AGBL4: variants seen among roughly 807,000 people sequenced by gnomAD.
AGBL4 encodes the protein cytosolic carboxypeptidase 6.
A neutral mutation model predicts 66.4 loss-of-function variants in AGBL4; 58 were observed. That is an observed-to-expected ratio of 0.87 (90% confidence interval 0.71 to 1.09). The LOEUF is 1.09. Ranked by LOEUF, AGBL4 falls within the 50% of genes least tolerant of loss-of-function variation. The pLI, the probability that AGBL4 is intolerant of heterozygous loss-of-function variation, is 0.00. For missense variants in AGBL4, 579 were observed against 631.0 expected (o/e 0.92, Z 0.88); for synonymous variants, 234 against 222.9 (o/e 1.05, Z -0.44).
chr1:48,532,001 C>T (rs1643909295), downstream of AGBL4, among the ~76,000 whole-genome samples: 1 of 152,140 alleles, frequency 6.6e-6, no homozygotes, highest in Admixed American at 6.5e-5. Flanking sequence ...CCAGGCTGGT[C>T]TCGAACTCCT....
chr1:49,647,705 G>A (rs935505746), intron 3 of AGBL4, among the ~76,000 whole-genome samples: 3 of 151,968 alleles, frequency 2.0e-5, no homozygotes, highest in African/African-American at 7.2e-5. Flanking sequence ...TGTAATCAGA[G>A]CCTAACCTAC....
chr1:49,413,295 T>G (rs2148630042), intron 3 of AGBL4, among the ~76,000 whole-genome samples: 1 of 152,324 alleles, frequency 6.6e-6, no homozygotes, highest in East Asian at 1.9e-4. Context: ...AAATTCCAGG[T>G]TCTGGGAATA....
chr1:49,971,907 G>GTTGTTTGTTTTTT (rs1553155278), intron 1 of AGBL4, among the ~76,000 whole-genome samples: 1 of 23,428 alleles, frequency 4.3e-5, no homozygotes, highest in Non-Finnish European at 7.9e-5. Flanking sequence ...GTTTTTTTGG[G>GTTGTTTGTTTTTT]TTTTTTTTTT....
At chr1:49,358,142 G>C (rs1644058969) in intron 3 of AGBL4, among the ~76,000 whole-genome samples, 1 of 152,138 alleles carries the variant, frequency 6.6e-6, no homozygotes, top group Non-Finnish European at 1.5e-5. Flanking sequence ...TGGTGCCTGA[G>C]TATGAGGGCT....
At chr1:49,742,722 G>C (rs1341579195) in intron 2 of AGBL4, among the ~76,000 whole-genome samples, 2 of 152,166 alleles carry the variant, frequency 1.3e-5, no homozygotes, top group South Asian at 2.1e-4. Flanking sequence ...CAATGGAACA[G>C]AACAGAGCCC....
intron 1 of AGBL4, among the ~76,000 whole-genome samples, chr1:49,997,473 T>C (rs1261795825): frequency 6.6e-6 from 1 of 152,154 alleles, no homozygotes; most frequent in Non-Finnish European, 1.5e-5. Context: ...GGACATTATA[T>C]AACAATGAAA....
intron 1 of AGBL4, among the ~76,000 whole-genome samples, chr1:49,888,548 A>G (rs1369903982): frequency 6.6e-6 from 1 of 152,240 alleles, no homozygotes; most frequent in Non-Finnish European, 1.5e-5. Context: ...TAATTAATAA[A>G]TAAGAGTTAA....
intron 3 of AGBL4, among the ~76,000 whole-genome samples, chr1:49,398,333 TTCTCTCTCTC>T (rs36025670): frequency 0.42 from 60,105 of 143,626 alleles, 15,180 homozygotes; most frequent in Non-Finnish European, 0.58. Context: ...CTCTCTCTCT[TTCTCTCTCTC>T]TCTCTCTCTC....
intron 2 of AGBL4, among the ~76,000 whole-genome samples, chr1:49,730,425 C>T (rs1649348830): frequency 6.6e-6 from 1 of 152,174 alleles, no homozygotes; most frequent in Non-Finnish European, 1.5e-5. Context: ...GGGGCCCAGA[C>T]CTCGGGACTC....
chr1:48,610,779 C>T (rs2148379890), intron 9 of AGBL4, among the ~76,000 whole-genome samples: 1 of 152,298 alleles, frequency 6.6e-6, no homozygotes. Flanking sequence ...TTTCCTCCTG[C>T]ACTCTCCCTC....
chr1:49,301,416 TTAGTC>T (rs1318103512), intron 3 of AGBL4, among the ~76,000 whole-genome samples: 1 of 152,192 alleles, frequency 6.6e-6, no homozygotes, highest in Non-Finnish European at 1.5e-5. Context: ...TGGGAAGAAT[TTAGTC>T]TATAGTTTAA....
At chr1:49,142,767 A>G (rs1646143608) in intron 4 of AGBL4, among the ~76,000 whole-genome samples, 1 of 152,162 alleles carries the variant, frequency 6.6e-6, no homozygotes, top group South Asian at 2.1e-4. Flanking sequence ...TAAATTAATA[A>G]TAAAAAGGCA....
intron 8 of AGBL4, among the ~76,000 whole-genome samples, chr1:48,652,415 A>T (rs1166854154): frequency 3.3e-5 from 5 of 152,168 alleles, no homozygotes; most frequent in African/African-American, 1.2e-4. Context: ...AGCAGGAACC[A>T]ATAGGACATG....
intron 3 of AGBL4, chr1:49,691,414 T>A (rs1646883994): frequency 6.4e-6 from 1 of 157,012 alleles, no homozygotes; most frequent in East Asian, 1.9e-4. Flanking sequence ...TGTGCAGACA[T>A]GTTCTTGGGG....
chr1:48,872,417 G>C (rs1023437647), intron 5 of AGBL4, among the ~76,000 whole-genome samples: 1 of 152,028 alleles, frequency 6.6e-6, no homozygotes, highest in South Asian at 2.1e-4. Flanking sequence ...CTGTGATTTT[G>C]TTTCTAATCT....
chr1:49,427,307 G>T (rs1052492631), intron 3 of AGBL4, among the ~76,000 whole-genome samples: 1 of 152,112 alleles, frequency 6.6e-6, no homozygotes, highest in East Asian at 1.9e-4. Flanking sequence ...ACCCGAGAGA[G>T]TTGAATGTTC....
At chr1:49,862,544 T>C (rs960247123) in intron 1 of AGBL4, among the ~76,000 whole-genome samples, 2 of 152,208 alleles carry the variant, frequency 1.3e-5, no homozygotes, top group African/African-American at 2.4e-5. Flanking sequence ...AAAAAGGTTA[T>C]GGAACACCAA....
intron 6 of AGBL4, among the ~76,000 whole-genome samples, chr1:48,757,104 T>C (rs1643975107): frequency 6.6e-6 from 1 of 152,226 alleles, no homozygotes; most frequent in Non-Finnish European, 1.5e-5. Context: ...ACTCAGTTCA[T>C]AATCATGAAA....
chr1:49,018,950 T>C (rs1018627), intron 5 of AGBL4, among the ~76,000 whole-genome samples: 66,746 of 152,046 alleles, frequency 0.44, 16,916 homozygotes, highest in Non-Finnish European at 0.58. Context: ...AACTCCTACA[T>C]TGACATCCCA....
Sources: allele counts gnomAD v4.1 joint callset (sites outside exome capture counted in the v4.1 genomes callset), GRCh38; gene constraint gnomAD v4.1.1; transcripts MANE v1.5; gene names NCBI Gene and HGNC (gene_info 2026-07-23, HGNC 2026-07-21).